RORA: variants seen among roughly 807,000 people sequenced by gnomAD.
RORA encodes RAR related orphan receptor A, also known as nuclear receptor ROR-alpha.
In RORA, 7 loss-of-function variants were observed where a neutral mutation model predicts 69.5. The ratio of observed to expected loss-of-function variants is 0.10; its 90% CI spans 0.06 to 0.19. The LOEUF (loss-of-function observed/expected upper bound fraction) is 0.19. Among genes scored for constraint, RORA ranks in the 10% least tolerant of loss-of-function variants. The pLI is 1.00. For missense variants in RORA, 457 were observed against 663.0 expected (o/e 0.69, Z 3.41); for synonymous variants, 261 against 240.8 (o/e 1.08, Z -0.78).
At chr15:61,029,905 G>T (rs954323131) in intron 1 of RORA, among the ~76,000 whole-genome samples, 2 of 152,154 alleles carry the variant, frequency 1.3e-5, no homozygotes, top group African/African-American at 4.8e-5. Flanking sequence ...CTGGGCTTGA[G>T]ATGGGGATCT....
chr15:61,042,205 G>T (rs1157748021), intron 1 of RORA, among the ~76,000 whole-genome samples: 3 of 152,194 alleles, frequency 2.0e-5, no homozygotes, highest in Non-Finnish European at 4.4e-5. Context: ...GACAAATCAT[G>T]TGTATTTGTT....
At chr15:61,074,587 C>G (rs1031868190) in intron 1 of RORA, among the ~76,000 whole-genome samples, 1 of 152,192 alleles carries the variant, frequency 6.6e-6, no homozygotes, top group Non-Finnish European at 1.5e-5. Context: ...TAAGTCATAT[C>G]TGTCAATGCT....
intron 10 of RORA, among the ~76,000 whole-genome samples, chr15:60,498,952 A>T (rs527985119): frequency 6.6e-6 from 1 of 152,328 alleles, no homozygotes; most frequent in African/African-American, 2.4e-5. Context: ...AAAATAAGAA[A>T]GAACAGGGCT....
intron 1 of RORA, among the ~76,000 whole-genome samples, chr15:60,913,514 G>A (rs1031302124): frequency 3.9e-5 from 6 of 152,182 alleles, no homozygotes; most frequent in South Asian, 2.1e-4. Context: ...TGACTGCCAC[G>A]TGACAGGCTG....
At chr15:61,143,158 C>T (rs1349203873) in intron 1 of RORA, among the ~76,000 whole-genome samples, 1 of 151,942 alleles carries the variant, frequency 6.6e-6, no homozygotes. Context: ...AAAGCTAGTA[C>T]ACATAAATAG....
At chr15:60,644,406 C>T (rs1472605804) in intron 2 of RORA, among the ~76,000 whole-genome samples, 2 of 152,302 alleles carry the variant, frequency 1.3e-5, no homozygotes, top group Admixed American at 6.5e-5. Flanking sequence ...GGGGGGCTGA[C>T]GGCCCCAGAT....
At chr15:60,540,572 C>CA (rs1567071375) in intron 2 of RORA, among the ~76,000 whole-genome samples, 3 of 66,756 alleles carry the variant, frequency 4.5e-5, no homozygotes, top group South Asian at 1.2e-3. Context: ...TGACCCCCCC[C>CA]CCCCAAAACT....
chr15:61,083,040 C>A (rs2078568622), intron 1 of RORA, among the ~76,000 whole-genome samples: 1 of 152,194 alleles, frequency 6.6e-6, no homozygotes, highest in Non-Finnish European at 1.5e-5. Context: ...TTTCGCCTTT[C>A]CACATGAAGC....
At chr15:60,748,166 C>G (rs2071674391) in intron 1 of RORA, among the ~76,000 whole-genome samples, 1 of 152,084 alleles carries the variant, frequency 6.6e-6, no homozygotes, top group African/African-American at 2.4e-5. Flanking sequence ...TAAGTCAAAG[C>G]CTAATTTAAA....
At chr15:60,911,440 A>T (rs1414788552) in intron 1 of RORA, among the ~76,000 whole-genome samples, 2 of 152,150 alleles carry the variant, frequency 1.3e-5, no homozygotes, top group Non-Finnish European at 2.9e-5. Flanking sequence ...CTGGCGGACA[A>T]AATAGATAGT....
intron 1 of RORA, among the ~76,000 whole-genome samples, chr15:60,698,661 T>C (rs1320431190): frequency 6.6e-6 from 1 of 150,582 alleles, no homozygotes; most frequent in Non-Finnish European, 1.5e-5. Context: ...AGTACATTCT[T>C]GAAAGTTTAA....
intron 1 of RORA, among the ~76,000 whole-genome samples, chr15:60,882,928 C>T (rs539459327): frequency 6.7e-4 from 101 of 151,584 alleles, no homozygotes; most frequent in African/African-American, 2.3e-3. Context: ...GTTAGGAGTT[C>T]GAGACCAGCC....
At chr15:60,591,329 G>T (rs9920961) in intron 2 of RORA, among the ~76,000 whole-genome samples, 2 of 152,210 alleles carry the variant, frequency 1.3e-5, no homozygotes, top group Non-Finnish European at 1.5e-5. Flanking sequence ...TGCGGGCTGA[G>T]TTTCTCCGGA....
At chr15:60,753,448 C>A (rs933169879) in intron 1 of RORA, among the ~76,000 whole-genome samples, 1 of 152,148 alleles carries the variant, frequency 6.6e-6, no homozygotes, top group Non-Finnish European at 1.5e-5. Context: ...TATGTCCTAG[C>A]GGAACAGGGA....
In RORA at chr15:61,119,341, G is replaced by A. The variant is rs533263952; in HGVS notation, c.166+109712C>T. Among the ~76,000 whole-genome samples, 40 of 151,280 alleles carry A rather than the reference G, an allele frequency of 2.6e-4. No homozygotes were observed. The South Asian group carries it at 7.3e-3, about 28-fold the overall frequency. On this transcript the variant is annotated intron_variant, in intron 1 of 10. Coordinates refer to ENST00000335670, the MANE Select transcript of RORA (RefSeq NM_134261.3). The stretch of plus-strand genomic sequence containing the variant: ...GCCTCCTGAGTAGCTGGGATCACAG[G>A]CATGTACCACCGTGCCTGCCTAAGG...
Position 60,932,281 on chromosome 15 carries a change from T to G in RORA, c.167-253595A>C, listed in dbSNP as rs563789250. The stretch of plus-strand genomic sequence containing the variant: ...ATGGAGATGCCATGAGCAGCTGCCT[T>G]GGACCAGATTCCAAGGCAGTGTCTT... On this transcript the variant is annotated intron_variant, in intron 1 of 10. Coordinates refer to ENST00000335670, the MANE Select transcript of RORA (RefSeq NM_134261.3). 4.6e-5 allele frequency among the ~76,000 whole-genome samples: 7 copies of G among 152,250 alleles called. No homozygotes were observed. In the South Asian group the frequency reaches 1.5e-3, roughly 32 times the overall value.
chr15:61,210,205 G>C (rs974734515), intron 1 of RORA, among the ~76,000 whole-genome samples: 3 of 152,218 alleles, frequency 2.0e-5, no homozygotes, highest in Admixed American at 6.5e-5. Context: ...CAGAAGCTCA[G>C]AATTGAAGTA....
At chr15:61,033,419 C>CAAAAAA (rs1555403815) in intron 1 of RORA, among the ~76,000 whole-genome samples, 1 of 150,534 alleles carries the variant, frequency 6.6e-6, no homozygotes. Context: ...AAAAAAAAAA[C>CAAAAAA]AAAAACCAGT....
At chr15:60,514,592 A>G (rs753602357) in intron 4 of RORA, 24 bp downstream of exon 4, 2 of 1,613,158 alleles carry the variant, frequency 1.2e-6, no homozygotes, top group Non-Finnish European at 1.7e-6. Context: ...GTGCAACTGT[A>G]CAACTCAAGC....
Sources: allele counts gnomAD v4.1 joint callset (sites outside exome capture counted in the v4.1 genomes callset), GRCh38; gene constraint gnomAD v4.1.1; transcripts MANE v1.5; gene names NCBI Gene and HGNC (gene_info 2026-07-23, HGNC 2026-07-21).